Variants in GPC6 observed in about 807,000 individuals in gnomAD.
The protein encoded by GPC6 is glypican-6.
In GPC6, 14 loss-of-function variants were observed where a neutral mutation model predicts 55.2. The ratio of observed to expected loss-of-function variants is 0.25; its 90% CI spans 0.17 to 0.40. The LOEUF is 0.40. GPC6 is among the 10% of genes least tolerant of loss of function. GPC6 has a pLI of 1.00. For synonymous variants in GPC6, 278 were observed against 259.6 expected (o/e 1.07, Z -0.68); for missense variants, 641 against 708.5 (o/e 0.90, Z 1.08).
intron 3 of GPC6, among the ~76,000 whole-genome samples, chr13:93,844,159 A>T (rs574732580): frequency 3.0e-4 from 45 of 152,168 alleles, no homozygotes; most frequent in African/African-American, 9.6e-4. Flanking sequence ...CTTTTTTTTA[A>T]GACAGAGTCT....
chr13:93,324,045 T>A (rs1256463225), intron 1 of GPC6, among the ~76,000 whole-genome samples: 1 of 152,112 alleles, frequency 6.6e-6, no homozygotes, highest in African/African-American at 2.4e-5. Flanking sequence ...GCAACCTAAG[T>A]GTCCATCAAC....
intron 3 of GPC6, among the ~76,000 whole-genome samples, chr13:93,900,504 G>A (rs763165568): frequency 6.6e-6 from 1 of 152,052 alleles, no homozygotes; most frequent in African/African-American, 2.4e-5. Context: ...TCTTGACCCC[G>A]TTACCATTTT....
chr13:94,052,633 G>GT (rs1566340794), intron 4 of GPC6, among the ~76,000 whole-genome samples: 1 of 151,914 alleles, frequency 6.6e-6, no homozygotes, highest in Non-Finnish European at 1.5e-5. Flanking sequence ...GCCTTACATC[G>GT]TTTAACAATT....
At chr13:93,422,666 C>A (rs1876965304) in intron 1 of GPC6, among the ~76,000 whole-genome samples, 1 of 152,098 alleles carries the variant, frequency 6.6e-6, no homozygotes, top group Non-Finnish European at 1.5e-5. Context: ...AAAAGACAGG[C>A]AGATTTAGTT....
chr13:94,340,113 C>T (rs1480691035), intron 6 of GPC6, among the ~76,000 whole-genome samples: 2 of 152,050 alleles, frequency 1.3e-5, no homozygotes, highest in Non-Finnish European at 2.9e-5. Context: ...TCTCATTTCT[C>T]CATAAGGTGG....
At chr13:93,596,606 A>ATATATATAT (rs1555314936) in intron 2 of GPC6, among the ~76,000 whole-genome samples, 3 of 54,814 alleles carry the variant, frequency 5.5e-5, no homozygotes, top group African/African-American at 3.2e-4. Flanking sequence ...TAAATAAATA[A>ATATATATAT]ATAAATATAT....
intron 5 of GPC6, among the ~76,000 whole-genome samples, chr13:94,304,056 C>G (rs1403409212): frequency 6.6e-6 from 1 of 152,192 alleles, no homozygotes; most frequent in Non-Finnish European, 1.5e-5. Context: ...CAACAGATCC[C>G]TGGAGCTTTG....
chr13:94,043,497 A>T (rs1365761246), intron 4 of GPC6, among the ~76,000 whole-genome samples: 1 of 151,896 alleles, frequency 6.6e-6, no homozygotes. Flanking sequence ...TACAATAATA[A>T]AACCAGGAAA....
At chr13:93,876,488 A>AC (rs1889301743) in intron 3 of GPC6, among the ~76,000 whole-genome samples, 1 of 152,064 alleles carries the variant, frequency 6.6e-6, no homozygotes, top group Non-Finnish European at 1.5e-5. Flanking sequence ...TGTATGAAAG[A>AC]CGTATGGTCT....
At chr13:93,627,394 A>C (rs993408139) in intron 2 of GPC6, among the ~76,000 whole-genome samples, 1 of 152,116 alleles carries the variant, frequency 6.6e-6, no homozygotes, top group Non-Finnish European at 1.5e-5. Flanking sequence ...TAACCTCACT[A>C]TCATGAGGAC....
At chr13:94,090,661 G>A (rs1885447361) in intron 4 of GPC6, among the ~76,000 whole-genome samples, 1 of 108,134 alleles carries the variant, frequency 9.2e-6, no homozygotes, top group South Asian at 4.2e-4. Flanking sequence ...TATAATAACT[G>A]TTTTTAACAA....
At chr13:93,675,595 G>T (rs112793874) in intron 2 of GPC6, among the ~76,000 whole-genome samples, 2,365 of 152,070 alleles carry the variant, frequency 0.016, 80 homozygotes, top group African/African-American at 0.054. Flanking sequence ...TCAGCCTTTT[G>T]CATACATTTT....
At chr13:94,040,294 T>G (rs557477047) in intron 4 of GPC6, among the ~76,000 whole-genome samples, 10 of 152,002 alleles carry the variant, frequency 6.6e-5, no homozygotes, top group African/African-American at 2.4e-4. Context: ...GTGGCATGAT[T>G]GTCACCAACG....
intron 2 of GPC6, among the ~76,000 whole-genome samples, chr13:93,665,574 G>C (rs982614265): frequency 5.3e-5 from 8 of 152,146 alleles, no homozygotes; most frequent in Admixed American, 4.6e-4. Context: ...ATAATGAAAA[G>C]AGACAGAAAG....
chr13:93,617,856 T>C (rs187261239), intron 2 of GPC6, among the ~76,000 whole-genome samples: 1 of 150,916 alleles, frequency 6.6e-6, no homozygotes, highest in African/African-American at 2.5e-5. Flanking sequence ...AACAAAAATA[T>C]GTAATATTCT....
intron 5 of GPC6, among the ~76,000 whole-genome samples, chr13:94,304,290 A>T (rs1281809611): frequency 2.6e-5 from 4 of 152,256 alleles, no homozygotes; most frequent in African/African-American, 9.6e-5. Flanking sequence ...ACTTTTGAAT[A>T]CAACAAAAGA....
intron 4 of GPC6, among the ~76,000 whole-genome samples, chr13:94,110,062 TAAAAAAAAAAA>T: frequency 1.2e-5 from 1 of 84,624 alleles, no homozygotes; most frequent in South Asian, 4.1e-4. Context: ...CACCCTGGAC[TAAAAAAAAAAA>T]AAAAAAAAGA....
chr13:93,920,666 AC>A (rs1877521879), intron 3 of GPC6, among the ~76,000 whole-genome samples: 1 of 152,134 alleles, frequency 6.6e-6, no homozygotes, highest in South Asian at 2.1e-4. Context: ...CAACGTTTTC[AC>A]AGTCTCACTT....
chr13:93,495,355 G>A (rs1391363851), intron 1 of GPC6, among the ~76,000 whole-genome samples: 1 of 144,790 alleles, frequency 6.9e-6, no homozygotes, highest in Non-Finnish European at 1.5e-5. Flanking sequence ...TAGTTCTCGA[G>A]CCTTGGTTTT....
Sources: gnomAD v4.1 joint callset for allele counts (sites outside exome capture counted in the v4.1 genomes callset) on GRCh38, gnomAD v4.1.1 for gene constraint, MANE v1.5 for transcripts, NCBI Gene and HGNC (gene_info 2026-07-23, HGNC 2026-07-21) for gene names.